The following EPHB2 variants were observed in gnomAD, a reference collection of about 807,000 sequenced individuals.
The protein encoded by EPHB2 is EPH receptor B2.
A neutral mutation model predicts 96.4 loss-of-function variants in EPHB2; 18 were observed. The ratio of observed to expected loss-of-function variants is 0.19; its 90% CI spans 0.13 to 0.28. The LOEUF is 0.28. Ranked by LOEUF, EPHB2 falls within the 10% of genes least tolerant of loss-of-function variation. The pLI is 1.00. For synonymous variants in EPHB2, 506 were observed against 534.1 expected (o/e 0.95, Z 0.72); for missense variants, 989 against 1,355.4 (o/e 0.73, Z 4.25).
At chr1:22,845,088 C>T (rs1162690772) in intron 3 of EPHB2, among the ~76,000 whole-genome samples, 3 of 152,198 alleles carry the variant, frequency 2.0e-5, no homozygotes, top group Admixed American at 2.0e-4. Flanking sequence ...CTCCATCCAG[C>T]GTGGAGTCCC....
intron 5 of EPHB2, among the ~76,000 whole-genome samples, chr1:22,867,645 G>C (rs766364529): frequency 2.6e-5 from 4 of 152,208 alleles, no homozygotes; most frequent in Non-Finnish European, 4.4e-5. Context: ...GCCAAGGTGG[G>C]TGGATCACAT....
intron 3 of EPHB2, among the ~76,000 whole-genome samples, chr1:22,821,059 G>A (rs1276395804): frequency 2.0e-5 from 3 of 152,196 alleles, no homozygotes; most frequent in Admixed American, 6.5e-5. Flanking sequence ...CTCCATAATC[G>A]TGAAGGACTC....
intron 1 of EPHB2, among the ~76,000 whole-genome samples, chr1:22,724,429 A>G (rs1056435216): frequency 6.6e-6 from 1 of 152,188 alleles, no homozygotes; most frequent in South Asian, 2.1e-4. Flanking sequence ...GGCAGCGACC[A>G]GGAAGAGTAA....
intron 2 of EPHB2, among the ~76,000 whole-genome samples, chr1:22,782,246 C>T (rs911755623): frequency 3.3e-5 from 5 of 152,152 alleles, no homozygotes; most frequent in African/African-American, 7.2e-5. Flanking sequence ...AAGACTGTTG[C>T]GAGGTTTTCC....
chr1:22,853,353 C>T (rs1320397295), intron 3 of EPHB2, among the ~76,000 whole-genome samples: 3 of 152,220 alleles, frequency 2.0e-5, no homozygotes, highest in South Asian at 2.1e-4. Context: ...CCTGAAGCCT[C>T]TATCGATCAC....
At chr1:22,896,533 C>A in intron 9 of EPHB2, 55 bp downstream of exon 9, 1 of 1,608,558 alleles carries the variant, frequency 6.2e-7, no homozygotes, top group South Asian at 1.1e-5. Flanking sequence ...GTCGGTTCCC[C>A]AGTGACCTCT....
rs375153283 is a variant in EPHB2 at position 22,913,445 on chromosome 1, G to A, written c.2853-17G>A. On this transcript the variant is annotated splice_polypyrimidine_tract_variant and intron_variant, in intron 15 of 15. Coordinates refer to ENST00000374630, the MANE Select transcript of EPHB2 (RefSeq NM_017449.5). This position sits in a 1 kb window ranked among gnomAD's most constrained non-coding sequence, Gnocchi z 4.1. Reference sequence around the variant, plus strand: ...TCACCCGCATATTTCCCTAACACACGTGCTTCTCTCCCAAAGGGACATTCT... The same window carrying A: ...TCACCCGCATATTTCCCTAACACACATGCTTCTCTCCCAAAGGGACATTCT... 3.3e-5 allele frequency: 54 copies of A among 1,613,936 alleles called. No individual in the cohort carries two copies. Among genetic ancestry groups the A allele is most frequent in the East Asian group, 1.3e-4 (6 of 44,872 alleles).
At position 22,849,972 on chromosome 1, in the gene EPHB2, G is replaced by A. The variant is rs538382561; in HGVS notation, c.812-13065G>A. Among the ~76,000 whole-genome samples, 7 of 152,286 alleles carry A rather than the reference G, an allele frequency of 4.6e-5. No individual in the cohort carries two copies. In the South Asian group the frequency reaches 1.0e-3, roughly 23 times the overall value. On this transcript the variant is annotated intron_variant, in intron 3 of 15. Transcript: ENST00000374630. Reference sequence around the variant, plus strand: ...GGTCCGGGGGTTTGTTGCCTTAACCGAGCTCACCAAGCAGGTAAAAAATTC... The same window carrying A: ...GGTCCGGGGGTTTGTTGCCTTAACCAAGCTCACCAAGCAGGTAAAAAATTC...
chr1:22,903,582 G>A (rs1360549019), intron 9 of EPHB2, among the ~76,000 whole-genome samples: 1 of 152,234 alleles, frequency 6.6e-6, no homozygotes, highest in Non-Finnish European at 1.5e-5. Flanking sequence ...TGTGGCCTTG[G>A]CCAGATGACT....
At chr1:22,872,490 TG>T (rs1323425234) in intron 5 of EPHB2, among the ~76,000 whole-genome samples, 1 of 152,286 alleles carries the variant, frequency 6.6e-6, no homozygotes, top group South Asian at 2.1e-4. Context: ...TGAACATCTT[TG>T]GGGGGTCATT....
At chr1:22,775,310 C>T in intron 1 of EPHB2, 1 of 771,602 alleles carries the variant, frequency 1.3e-6, no homozygotes, top group Non-Finnish European at 2.4e-6. Flanking sequence ...GTATATACTT[C>T]TGGAGGTTGC....
chr1:22,848,294 T>G (rs1006313072), intron 3 of EPHB2, among the ~76,000 whole-genome samples: 3 of 152,194 alleles, frequency 2.0e-5, no homozygotes, highest in Non-Finnish European at 2.9e-5. Flanking sequence ...CCGTGACTGC[T>G]GCTGAGAGAA....
chr1:22,876,647 C>A (rs888066301), intron 5 of EPHB2, among the ~76,000 whole-genome samples: 4 of 152,210 alleles, frequency 2.6e-5, no homozygotes, highest in Non-Finnish European at 4.4e-5. Flanking sequence ...CCCCTGTCAG[C>A]GTGCCCGGCT....
At chr1:22,835,536 T>C (rs920304916) in intron 3 of EPHB2, among the ~76,000 whole-genome samples, 1 of 152,186 alleles carries the variant, frequency 6.6e-6, no homozygotes, top group Non-Finnish European at 1.5e-5. Flanking sequence ...TATGCACGAG[T>C]AGACATGCAT....
intron 1 of EPHB2, among the ~76,000 whole-genome samples, chr1:22,760,093 A>G (rs1024498340): frequency 6.6e-6 from 1 of 152,186 alleles, no homozygotes; most frequent in Non-Finnish European, 1.5e-5. Flanking sequence ...CACCCATTTT[A>G]CAGCTGAGAA....
intron 6 of EPHB2, among the ~76,000 whole-genome samples, chr1:22,891,532 A>G (rs1384054707): frequency 6.6e-6 from 1 of 152,202 alleles, no homozygotes. Context: ...TGCAAAGAGG[A>G]TATTTGGGGA....
At position 22,733,225 on chromosome 1, in the gene EPHB2, T is replaced by A. The variant is rs1643755874; in HGVS notation, c.61+22182T>A. The stretch of plus-strand genomic sequence containing the variant: ...CACCACGCCTGGCTGATTTTTGTAT[T>A]TTTAGTAGAGACGGGGTTTCACCGT... On this transcript the variant is annotated intron_variant, in intron 1 of 15. Coordinates refer to ENST00000374630, the MANE Select transcript of EPHB2 (RefSeq NM_017449.5). The surrounding 1 kb of genome is among the most constrained non-coding windows in gnomAD (Gnocchi z 4.6). Among the ~76,000 whole-genome samples, 1 of 152,164 alleles carries A rather than the reference T, an allele frequency of 6.6e-6. No homozygotes were observed. Among genetic ancestry groups the A allele is most frequent in the South Asian group, 2.1e-4 (1 of 4,826 alleles).
rs906489098 is a variant in EPHB2, at chr1:22,846,147, G to A, written c.812-16890G>A. Among the ~76,000 whole-genome samples the A allele has an allele frequency of 2.6e-5, 4 of 152,166 alleles. No homozygotes were observed. The highest frequency in any genetic ancestry group is 1.9e-4 in the East Asian group (1 of 5,186). On this transcript the variant is annotated intron_variant, in intron 3 of 15. Coordinates refer to ENST00000374630, the MANE Select transcript of EPHB2 (RefSeq NM_017449.5). This position sits in a 1 kb window ranked among gnomAD's most constrained non-coding sequence, Gnocchi z 4.3. Reference sequence around the variant, plus strand: ...AATGTCCCAGGGCGTGGCCAGGTGCGGTGGTTCACACCTGTAATCCTAGCA... The same window carrying A: ...AATGTCCCAGGGCGTGGCCAGGTGCAGTGGTTCACACCTGTAATCCTAGCA...
chr1:22,737,894 G>A (rs1026972619), intron 1 of EPHB2, among the ~76,000 whole-genome samples: 1 of 152,142 alleles, frequency 6.6e-6, no homozygotes, highest in Non-Finnish European at 1.5e-5. Flanking sequence ...GAAGTAGGAG[G>A]AAATTATCAT....
Sources: allele counts gnomAD v4.1 joint callset (sites outside exome capture counted in the v4.1 genomes callset), GRCh38; gene constraint gnomAD v4.1.1; non-coding constraint Gnocchi (gnomAD v3.1); transcripts MANE v1.5; gene names NCBI Gene and HGNC (gene_info 2026-07-23, HGNC 2026-07-21).